CCDC171: variants seen among roughly 807,000 people sequenced by gnomAD.
CCDC171 encodes coiled-coil domain-containing protein 171.
CCDC171 carries 177 observed loss-of-function variants against 168.2 expected under a neutral mutation model. The observed-to-expected ratio is 1.05, with a 90% confidence interval of 0.93 to 1.19. The LOEUF (loss-of-function observed/expected upper bound fraction) is 1.19, where lower values mean the gene tolerates loss of function less well. CCDC171 is among the 50% of genes most tolerant of loss of function. The pLI is 0.00. For synonymous variants in CCDC171, 687 were observed against 540.8 expected, an observed-to-expected ratio of 1.27 and a Z score of -3.75; for missense variants, 1,991 against 1,539.0, an observed-to-expected ratio of 1.29 and a Z score of -4.91.
intron 3 of CCDC171, among the ~76,000 whole-genome samples, chr9:15,577,423 C>G (rs971933063): frequency 1.3e-5 from 2 of 152,304 alleles, no homozygotes; most frequent in East Asian, 3.9e-4. Flanking sequence ...TCAACTGGCA[C>G]TTCATCCTAA....
intron 10 of CCDC171, among the ~76,000 whole-genome samples, chr9:15,680,831 G>C (rs150794417): frequency 1.3e-5 from 2 of 152,250 alleles, no homozygotes; most frequent in African/African-American, 4.8e-5. Flanking sequence ...TGGTTCGCTT[G>C]CTTATTAGAT....
intron 25 of CCDC171, among the ~76,000 whole-genome samples, chr9:15,932,932 A>T (rs1010723945): frequency 6.6e-6 from 1 of 151,948 alleles, no homozygotes; most frequent in African/African-American, 2.4e-5. Flanking sequence ...TTGCATCCCC[A>T]TGATGAATTC....
intron 24 of CCDC171, among the ~76,000 whole-genome samples, chr9:15,882,820 C>A (rs886367890): frequency 3.3e-5 from 5 of 151,458 alleles, no homozygotes; most frequent in Admixed American, 1.3e-4. Context: ...ATTATTCCTC[C>A]TTCTCTTTCT....
chr9:15,930,767 T>C (rs189455111), intron 25 of CCDC171, among the ~76,000 whole-genome samples: 1 of 151,852 alleles, frequency 6.6e-6, no homozygotes, highest in East Asian at 1.9e-4. Context: ...TAACTAAAAA[T>C]GAATCAAAGA....
intron 7 of CCDC171, among the ~76,000 whole-genome samples, chr9:15,647,253 T>C (rs1301563916): frequency 6.6e-6 from 1 of 150,570 alleles, no homozygotes; most frequent in Non-Finnish European, 1.5e-5. Context: ...TTCAAAGCAG[T>C]GTGTAGAGGG....
intron 7 of CCDC171, among the ~76,000 whole-genome samples, chr9:15,641,686 G>C (rs1401935025): frequency 6.6e-6 from 1 of 152,044 alleles, no homozygotes; most frequent in Non-Finnish European, 1.5e-5. Flanking sequence ...CTTTTCTTAA[G>C]TGTACTAGAT....
chr9:15,876,965 G>C (rs992735604), intron 24 of CCDC171, among the ~76,000 whole-genome samples: 2 of 152,086 alleles, frequency 1.3e-5, no homozygotes. Context: ...AGGAGCTGAA[G>C]TTTTCTGTCT....
chr9:15,838,925 G>A (rs1187237147), intron 21 of CCDC171, among the ~76,000 whole-genome samples: 4 of 152,060 alleles, frequency 2.6e-5, no homozygotes, highest in African/African-American at 9.7e-5. Context: ...ACTATGCTAG[G>A]CAGTCAAATT....
intron 2 of CCDC171, among the ~76,000 whole-genome samples, chr9:15,569,834 A>C (rs573247031): frequency 1.6e-4 from 18 of 112,428 alleles, no homozygotes; most frequent in African/African-American, 5.8e-4. Flanking sequence ...CAAAAAACAA[A>C]AAACAAACAA....
intron 3 of CCDC171, among the ~76,000 whole-genome samples, chr9:15,575,722 T>C (rs2040597628): frequency 6.6e-6 from 1 of 152,266 alleles, no homozygotes; most frequent in Non-Finnish European, 1.5e-5. Flanking sequence ...GTCCTCCTTT[T>C]AACAAGTCAT....
chr9:15,577,496 C>G (rs1316377778), intron 3 of CCDC171, among the ~76,000 whole-genome samples: 1 of 152,126 alleles, frequency 6.6e-6, no homozygotes, highest in South Asian at 2.1e-4. Flanking sequence ...CACTAGAATC[C>G]CATTTCTACC....
intron 4 of CCDC171, among the ~76,000 whole-genome samples, 163 bp from the exon 5 acceptor site, chr9:15,591,203 T>G (rs998103269): frequency 2.6e-5 from 4 of 152,132 alleles, no homozygotes; most frequent in African/African-American, 9.7e-5. Context: ...TTTCAAGAAT[T>G]TACCGGAATG....
intron 3 of CCDC171, among the ~76,000 whole-genome samples, chr9:16,014,907 A>C (rs1832970170): frequency 6.6e-6 from 1 of 152,114 alleles, no homozygotes; most frequent in African/African-American, 2.4e-5. Flanking sequence ...AGAATGGTAA[A>C]TGAGTATTGG....
rs1162898628 is a variant in CCDC171, at chr9:15,874,784, TC to T, written c.3600+122del. On this transcript the variant is annotated intron_variant, in intron 24 of 25. Transcript: ENST00000380701. ...TTTAAAGGAGATGCAAATAGATGTT[TC>T]TTCATTTTTCTTCTATCATGTAACA... is the stretch of plus-strand genomic sequence containing the variant. 3.1e-5 allele frequency: 29 copies of T among 949,578 alleles called. No homozygotes were observed. The African/African-American group carries it at 4.4e-4, about 15-fold the overall frequency. 58.8% of individuals were successfully genotyped at this position (949,578 alleles called of 1,614,324 possible).
intron 11 of CCDC171, among the ~76,000 whole-genome samples, chr9:15,706,968 C>T (rs74746343): frequency 1.3e-5 from 2 of 152,186 alleles, no homozygotes; most frequent in East Asian, 1.9e-4. Context: ...TTTCCTCCCC[C>T]CTTTCCTGCT....
downstream of CCDC171, among the ~76,000 whole-genome samples, chr9:15,978,721 A>T (rs903612850): frequency 6.6e-6 from 1 of 152,312 alleles, no homozygotes; most frequent in Admixed American, 6.5e-5. Flanking sequence ...TATATTTTTT[A>T]AAAAGTACAG....
intron 14 of CCDC171, among the ~76,000 whole-genome samples, chr9:15,725,345 T>C (rs2053730477): frequency 6.6e-6 from 1 of 152,248 alleles, no homozygotes; most frequent in Non-Finnish European, 1.5e-5. Flanking sequence ...ATAAATATTT[T>C]ATAATCAGAT....
intron 6 of CCDC171, among the ~76,000 whole-genome samples, chr9:16,027,605 G>C (rs973868412): frequency 4.6e-5 from 7 of 152,174 alleles, no homozygotes; most frequent in Non-Finnish European, 1.0e-4. Flanking sequence ...GAGTTTTCAG[G>C]ACTGAGTATT....
chr9:15,988,717 G>C (rs1239671256), intron 3 of CCDC171, among the ~76,000 whole-genome samples: 1 of 152,198 alleles, frequency 6.6e-6, no homozygotes, highest in East Asian at 1.9e-4. Flanking sequence ...GGAAAATCGG[G>C]TCACTCCCAC....
Sources: gnomAD v4.1 joint callset for allele counts (sites outside exome capture counted in the v4.1 genomes callset) on GRCh38, gnomAD v4.1.1 for gene constraint, MANE v1.5 for transcripts, NCBI Gene and HGNC (gene_info 2026-07-23, HGNC 2026-07-21) for gene names.